The following RAD54L2 variants were observed in gnomAD, a reference collection of about 807,000 sequenced individuals.
RAD54L2 encodes helicase ARIP4.
Under a neutral mutation model 138.4 loss-of-function variants are expected in RAD54L2, and 27 were observed. The observed-to-expected ratio is 0.20, with a 90% CI of 0.14 to 0.27. RAD54L2 has a LOEUF of 0.27. Among genes scored for constraint, RAD54L2 ranks in the 10% least tolerant of loss-of-function variants. The probability of loss-of-function intolerance (pLI) is 1.00; values close to 1 mark genes in which losing one functional copy is unlikely to be tolerated. For synonymous variants in RAD54L2, 644 were observed against 723.2 expected, an observed-to-expected ratio of 0.89 and a Z score of 1.76; for missense variants, 1,396 against 1,890.2, an observed-to-expected ratio of 0.74 and a Z score of 4.85.
intron 2 of RAD54L2, among the ~76,000 whole-genome samples, chr3:51,572,855 G>A (rs1302759426): frequency 6.6e-6 from 1 of 151,662 alleles, no homozygotes; most frequent in African/African-American, 2.4e-5. Flanking sequence ...GGCCAGGCCG[G>A]TCTCGAATTC....
rs1701806317 is a variant in RAD54L2 at position 51,662,543 on chromosome 3, T to C, written c.3527T>C (p.Ile1176Thr). The part of the protein sequence containing the change: ...RPVSPDSPEI[I>T]SELQQYADVA... The stretch of plus-strand genomic sequence containing the variant: ...GTCTCTCCTGACAGCCCAGAGATCA[T>C]CAGTGAGCTTCAGCAGTATGCAGAT... The change falls in exon 23 of 23, where the codon ATC (isoleucine) becomes ACC (threonine). Residue 1176 changes from isoleucine (I) to threonine (T), a missense_variant. Transcript: ENST00000684192. This position sits in a 1 kb window ranked among gnomAD's most constrained non-coding sequence, Gnocchi z 4.6. The C allele has an allele frequency of 6.2e-7, 1 of 1,613,614 alleles. No homozygotes were observed. The highest frequency in any genetic ancestry group is 1.3e-5 in the African/African-American group (1 of 74,884).
chr3:51,647,639 A>G lies in RAD54L2; in HGVS notation c.3026+1158A>G, dbSNP rs1025444140. On this transcript the variant is annotated intron_variant, in intron 19 of 22. Coordinates refer to ENST00000684192, the MANE Select transcript of RAD54L2 (RefSeq NM_015106.4). The stretch of plus-strand genomic sequence containing the variant: ...AGCCGAGATCGCGCCATTGCACTTC[A>G]GCCTGGGCAACAAGAGCAAAACTCC... 1.3e-5 allele frequency among the ~76,000 whole-genome samples: 2 copies of G among 152,092 alleles called. 1 individual carries two copies. The highest frequency in any genetic ancestry group is 4.1e-4 in the South Asian group (2 of 4,830).
chr3:51,583,679 G>C (rs1452645417), intron 2 of RAD54L2, among the ~76,000 whole-genome samples: 1 of 150,026 alleles, frequency 6.7e-6, no homozygotes, highest in African/African-American at 2.5e-5. Context: ...TGCCCGCCTC[G>C]GCCTCCCAAA....
At chr3:51,543,607 T>G (rs1343260857) in intron 2 of RAD54L2, among the ~76,000 whole-genome samples, 23 of 105,480 alleles carry the variant, frequency 2.2e-4, no homozygotes, top group African/African-American at 9.3e-4. Flanking sequence ...AAACTCCATC[T>G]CAAAAAAAAA....
At chr3:51,595,496 G>A (rs890427027) in intron 3 of RAD54L2, among the ~76,000 whole-genome samples, 4 of 152,122 alleles carry the variant, frequency 2.6e-5, no homozygotes, top group African/African-American at 9.7e-5. Flanking sequence ...ATGGGGGAGT[G>A]AAAGATATTT....
At chr3:51,632,124 C>T (rs1700860062) in intron 7 of RAD54L2, among the ~76,000 whole-genome samples, 1 of 152,206 alleles carries the variant, frequency 6.6e-6, no homozygotes, top group Admixed American at 6.5e-5. Context: ...TAATGACCTC[C>T]AGTTCCATCC....
chr3:51,548,140 C>T (rs781745983), intron 2 of RAD54L2, among the ~76,000 whole-genome samples: 1 of 149,698 alleles, frequency 6.7e-6, no homozygotes, highest in Non-Finnish European at 1.5e-5. Flanking sequence ...GTGATCTGCA[C>T]ATCTCGGCCT....
At chr3:51,609,167 G>A (rs1201894542) in intron 3 of RAD54L2, among the ~76,000 whole-genome samples, 2 of 152,124 alleles carry the variant, frequency 1.3e-5, no homozygotes, top group Non-Finnish European at 2.9e-5. Context: ...GTGAGCCACC[G>A]CGCCCAGCCT....
At chr3:51,557,134 C>T (rs1198643837) in intron 2 of RAD54L2, among the ~76,000 whole-genome samples, 1 of 150,862 alleles carries the variant, frequency 6.6e-6, no homozygotes, top group Non-Finnish European at 1.5e-5. Flanking sequence ...ATTATCAATA[C>T]TTCTCCATCT....
chr3:51,654,199 C>T (rs1018958978), intron 19 of RAD54L2, among the ~76,000 whole-genome samples: 4 of 152,006 alleles, frequency 2.6e-5, no homozygotes, highest in Non-Finnish European at 4.4e-5. Context: ...AGGTGCACAC[C>T]ACCACGCGTG....
chr3:51,597,556 G>C (rs1320425281), intron 3 of RAD54L2, among the ~76,000 whole-genome samples: 1 of 152,006 alleles, frequency 6.6e-6, no homozygotes, highest in South Asian at 2.1e-4. Flanking sequence ...GGCTGGGCGC[G>C]GTGGCTCATG....
At chr3:51,627,401 A>C (rs952150989) in intron 3 of RAD54L2, among the ~76,000 whole-genome samples, 152 bp from the exon 4 acceptor site, 2 of 152,222 alleles carry the variant, frequency 1.3e-5, no homozygotes, top group African/African-American at 4.8e-5. Context: ...TTTTGTAGAT[A>C]CATCCACTGA....
intron 14 of RAD54L2, among the ~76,000 whole-genome samples, chr3:51,640,443 A>G (rs1396411608): frequency 6.6e-6 from 1 of 152,224 alleles, no homozygotes; most frequent in Non-Finnish European, 1.5e-5. Flanking sequence ...TTTAAAGCCA[A>G]ATAAGTGATG....
intron 3 of RAD54L2, among the ~76,000 whole-genome samples, chr3:51,610,659 A>C (rs1322151418): frequency 6.6e-6 from 1 of 150,712 alleles, no homozygotes. Context: ...AAAAAAAAAC[A>C]GAAAGAATGA....
At chr3:51,542,490 G>T (rs1192440270) in intron 2 of RAD54L2, among the ~76,000 whole-genome samples, 1 of 151,002 alleles carries the variant, frequency 6.6e-6, no homozygotes, top group Non-Finnish European at 1.5e-5. Context: ...CTGTTGCCCA[G>T]TCTGGAGTGC....
chr3:51,640,398 C>T (rs759376698), intron 14 of RAD54L2, among the ~76,000 whole-genome samples: 14 of 152,186 alleles, frequency 9.2e-5, no homozygotes, highest in Admixed American at 2.0e-4. Context: ...TCTTCTATCC[C>T]GCCCCAACCT....
At chr3:51,636,666 C>T (rs191387389) in intron 10 of RAD54L2, among the ~76,000 whole-genome samples, 46 of 152,202 alleles carry the variant, frequency 3.0e-4, no homozygotes, top group Admixed American at 1.1e-3. Flanking sequence ...AGGAACGGAA[C>T]GGGGGAAAGG....
At chr3:51,592,331 G>A (rs551844979) in intron 3 of RAD54L2, among the ~76,000 whole-genome samples, 6 of 151,422 alleles carry the variant, frequency 4.0e-5, no homozygotes, top group Non-Finnish European at 5.9e-5. Flanking sequence ...CCAAAGTGCT[G>A]GGGATTACAG....
chr3:51,628,628 G>C (rs1477184524), intron 4 of RAD54L2, among the ~76,000 whole-genome samples: 1 of 151,976 alleles, frequency 6.6e-6, no homozygotes, highest in Admixed American at 6.6e-5. Context: ...GGCTTCAAGT[G>C]AACTGCCCAC....
Sources: allele counts gnomAD v4.1 joint callset (sites outside exome capture counted in the v4.1 genomes callset), GRCh38; gene constraint gnomAD v4.1.1; non-coding constraint Gnocchi (gnomAD v3.1); transcripts MANE v1.5; gene names NCBI Gene and HGNC (gene_info 2026-07-23, HGNC 2026-07-21).